PBRM1: variants seen among roughly 807,000 people sequenced by gnomAD.
PBRM1 encodes polybromo 1.
PBRM1 carries 27 observed loss-of-function variants against 194.5 expected under a neutral mutation model. That is an observed-to-expected ratio of 0.14 (90% CI 0.10 to 0.19). The LOEUF is 0.19. Among genes scored for constraint, PBRM1 ranks in the 10% least tolerant of loss-of-function variants. The pLI, the probability that PBRM1 is intolerant of heterozygous loss-of-function variation, is 1.00. For synonymous variants in PBRM1, 655 were observed against 693.2 expected (o/e 0.94, Z 0.87); for missense variants, 1,466 against 2,077.2 (o/e 0.71, Z 5.72).
chr3:52,630,205 G>T (rs1453478912), intron 11 of PBRM1, among the ~76,000 whole-genome samples: 2 of 151,918 alleles, frequency 1.3e-5, no homozygotes, highest in African/African-American at 2.4e-5. Flanking sequence ...AGGGTAGTGG[G>T]GGAGGAAAAA....
chr3:52,579,189 T>C (rs200632871), exon 21 of PBRM1: 19 of 1,613,912 alleles, frequency 1.2e-5, no homozygotes, highest in Admixed American at 5.0e-5. Context: ...CACAGGGACA[T>C]CTTCTTTTTC....
chr3:52,594,644 G>C (rs2093398556), intron 17 of PBRM1, among the ~76,000 whole-genome samples: 1 of 152,144 alleles, frequency 6.6e-6, no homozygotes, highest in African/African-American at 2.4e-5. Context: ...TTAGCTGGAA[G>C]CAATCTTGTT....
Position 52,568,332 on chromosome 3 carries a change from T to C in PBRM1, c.3692-4099A>G, listed in dbSNP as rs555040604. On this transcript the variant is annotated intron_variant, in intron 22 of 29. Coordinates refer to ENST00000296302, the Ensembl canonical transcript of PBRM1. The stretch of plus-strand genomic sequence containing the variant: ...TTTCTTTGCCTATTTCCCTGCTGGA[T>C]GTTGATCTTTATCTAATTGCTTTAT... Among the ~76,000 whole-genome samples, 8 of 152,330 alleles carry C rather than the reference T, an allele frequency of 5.3e-5. No homozygotes were observed. The East Asian group carries it at 1.5e-3, about 29-fold the overall frequency.
At chr3:52,567,289 T>G (rs917471489) in intron 22 of PBRM1, among the ~76,000 whole-genome samples, 1 of 152,132 alleles carries the variant, frequency 6.6e-6, no homozygotes, top group Non-Finnish European at 1.5e-5. Context: ...TGTTTGCTCT[T>G]CTGCTGACGC....
At chr3:52,674,682 A>G (rs1301057999) in intron 2 of PBRM1, among the ~76,000 whole-genome samples, 1 of 147,380 alleles carries the variant, frequency 6.8e-6, no homozygotes, top group African/African-American at 2.5e-5. Flanking sequence ...ACACACACAC[A>G]TATATCTCCT....
At chr3:52,668,739 G>A (rs2096888535) in intron 2 of PBRM1, 94 bp from the exon 4 acceptor site, 4 of 459,908 alleles carry the variant, frequency 8.7e-6, no homozygotes, top group African/African-American at 2.3e-5. Context: ...AACATTCCAA[G>A]TGACAGAGCA....
intron 10 of PBRM1, among the ~76,000 whole-genome samples, chr3:52,635,182 C>G (rs1363465132): frequency 1.3e-5 from 2 of 152,092 alleles, no homozygotes; most frequent in African/African-American, 4.8e-5. Flanking sequence ...CAGCCTCAGC[C>G]TCCTAAAGTG....
chr3:52,554,383 C>T (rs1559823406), intron 27 of PBRM1, among the ~76,000 whole-genome samples: 1 of 152,252 alleles, frequency 6.6e-6, no homozygotes, highest in African/African-American at 2.4e-5. Context: ...ACTTCATTCA[C>T]TGATAAGAGG....
At chr3:52,566,257 C>T (rs1400227188) in intron 22 of PBRM1, among the ~76,000 whole-genome samples, 2 of 151,640 alleles carry the variant, frequency 1.3e-5, no homozygotes, top group African/African-American at 4.8e-5. Context: ...TAAAATGGTG[C>T]AGCTGCTGTG....
chr3:52,681,384 G>A (rs996669027), upstream of PBRM1: 2 of 152,144 alleles, frequency 1.3e-5, no homozygotes, highest in South Asian at 2.1e-4. Flanking sequence ...TCTAGGCTTC[G>A]GTTTGTTATA....
chr3:52,637,529 A>G (rs1016301832), intron 10 of PBRM1, among the ~76,000 whole-genome samples: 17 of 151,964 alleles, frequency 1.1e-4, no homozygotes, highest in Non-Finnish European at 2.9e-5. Flanking sequence ...GCTACGCCAG[A>G]GGCTGATGTG....
chr3:52,681,826 A>C, upstream of PBRM1: 1 of 470,902 alleles, frequency 2.1e-6, no homozygotes, highest in Non-Finnish European at 2.9e-6. Flanking sequence ...CAAAACTGAA[A>C]AAGAAGAACA....
At chr3:52,628,811 A>G in intron 12 of PBRM1, 83 bp downstream of exon 13, 1 of 1,247,900 alleles carries the variant, frequency 8.0e-7, no homozygotes, top group Non-Finnish European at 1.2e-6. Flanking sequence ...GGGGGATCAC[A>G]CATCTTACTA....
chr3:52,658,599 T>A (rs1043152064), intron 4 of PBRM1, among the ~76,000 whole-genome samples: 2 of 152,112 alleles, frequency 1.3e-5, no homozygotes, highest in African/African-American at 2.4e-5. Context: ...TTCACTATGT[T>A]GGCCAGGCTG....
chr3:52,548,002 T>G, exon 30 of PBRM1: 1 of 1,416,616 alleles, frequency 7.1e-7, no homozygotes, highest in South Asian at 1.2e-5. Flanking sequence ...CCCCAGTAAC[T>G]AAAATGGCTA....
At chr3:52,684,017 AAT>A (rs2154084319), upstream of PBRM1, among the ~76,000 whole-genome samples, 1 of 152,068 alleles carries the variant, frequency 6.6e-6, no homozygotes, top group Non-Finnish European at 1.5e-5. Context: ...CAAAAATTAA[AAT>A]TAGCTGGGTG....
intron 13 of PBRM1, 149 bp downstream of exon 14, chr3:52,627,124 T>G (rs770025752): frequency 3.5e-5 from 17 of 491,086 alleles, no homozygotes; most frequent in Non-Finnish European, 5.4e-5. Context: ...AAGCTAATCA[T>G]CCAATTGCAA....
At chr3:52,685,381 C>T (rs1436878277) in intron 1 of PBRM1, 2 of 150,702 alleles carry the variant, frequency 1.3e-5, no homozygotes, top group East Asian at 3.9e-4. Context: ...CGTCAAGAAA[C>T]CACAACAAAA....
chr3:52,641,951 T>C lies in PBRM1; in HGVS notation c.1087+3A>G. 1 of 1,572,558 alleles carries C rather than the reference T, an allele frequency of 6.4e-7. No homozygotes were observed. Among genetic ancestry groups the C allele is most frequent in the South Asian group, 1.1e-5 (1 of 90,344 alleles). Reference sequence around the variant, plus strand: ...ATTTCGCTAGTCAAAACCTAATGCCTACCAGCTAAAGCAGCATCTTCTTCA... The same window carrying C: ...ATTTCGCTAGTCAAAACCTAATGCCCACCAGCTAAAGCAGCATCTTCTTCA... On this transcript the variant is annotated splice_donor_region_variant and intron_variant, in intron 10 of 29. Transcript: ENST00000296302.
Sources: allele counts gnomAD v4.1 joint callset (sites outside exome capture counted in the v4.1 genomes callset), GRCh38; gene constraint gnomAD v4.1.1; transcripts MANE v1.5; gene names NCBI Gene and HGNC (gene_info 2026-07-23, HGNC 2026-07-21).